ENDOU: variants seen among roughly 807,000 people sequenced by gnomAD.
The protein encoded by ENDOU is endonuclease, poly(U) specific.
ENDOU carries 49 observed loss-of-function variants against 54.2 expected under a neutral mutation model. The ratio of observed to expected loss-of-function variants is 0.90; its 90% CI spans 0.72 to 1.15. ENDOU has a LOEUF of 1.15. Ranked by LOEUF, ENDOU falls within the 50% of genes most tolerant of loss-of-function variation. The pLI is 0.00. For missense variants in ENDOU, 458 were observed against 511.4 expected (o/e 0.90, Z 1.01); for synonymous variants, 172 against 190.5 (o/e 0.90, Z 0.80).
In ENDOU at chr12:47,717,054, G is replaced by A. The variant is rs529615841; in HGVS notation, c.387C>T (p.Val129=). The change falls in exon 5 of 10, where the codon GTC becomes GTT. Residue 129 remains valine, a synonymous_variant. Transcript: ENST00000422538. ...TTGTTATGGCATCACTGCTGTGGGA[G>A]ACCTCTGGGAGGAATTGGAAGAGGG... ...DFESLCSDHE[V]SHSSDAITKE... 3 of 1,613,974 alleles carry A rather than the reference G, an allele frequency of 1.9e-6. No homozygotes were observed. The highest frequency in any genetic ancestry group is 2.2e-5 in the East Asian group (1 of 44,878).
At position 47,715,822 on chromosome 12, in the gene ENDOU, C is replaced by A. The variant is rs115925067; in HGVS notation, c.751+478G>T. Among the ~76,000 whole-genome samples, 1,238 of 152,310 alleles carry A rather than the reference C, an allele frequency of 8.1e-3. 16 individuals are homozygous for A. The highest frequency in any genetic ancestry group is 0.028 in the African/African-American group (1,181 of 41,558). ...TTCCCGCTCTGAACCTTTGTTGATT[C>A]TCTGATGTTGTTTCCCCAGCCAAAA... On this transcript the variant is annotated intron_variant, in intron 6 of 9. Coordinates refer to ENST00000422538, the MANE Select transcript of ENDOU (RefSeq NM_001172439.2).
At chr12:47,711,596 C>A in intron 9 of ENDOU, 37 bp downstream of exon 9, 1 of 1,602,570 alleles carries the variant, frequency 6.2e-7, no homozygotes, top group Non-Finnish European at 8.5e-7. Context: ...GCCTGCAGCC[C>A]CAGTCTGCCC....
chr12:47,720,838 T>G lies in ENDOU; in HGVS notation c.93A>C (p.Lys31Asn). The change falls in exon 2 of 10, where the codon AAA (lysine) becomes AAC (asparagine). Residue 31 changes from lysine (K) to asparagine (N), a missense_variant. Coordinates refer to ENST00000422538, the MANE Select transcript of ENDOU (RefSeq NM_001172439.2). ...IESCASRCNE[K>N]FNRDAACQCD... is the part of the protein sequence containing the mutation. The stretch of plus-strand genomic sequence containing the variant: ...ACTGGCAGGCAGCGTCCCGGTTAAA[T>G]TTCTCATTACATCGAGATGCACAGG... 4.6e-6 allele frequency: 7 copies of G among 1,536,112 alleles called. No homozygotes were observed. Among genetic ancestry groups the G allele is most frequent in the Non-Finnish European group, 6.1e-6 (7 of 1,146,906 alleles).
At chr12:47,725,207 A>T in intron 1 of ENDOU, 152 bp downstream of exon 1, 2 of 780,538 alleles carry the variant, frequency 2.6e-6, no homozygotes, top group Non-Finnish European at 4.3e-6. Context: ...ACCCTCAGAC[A>T]AGGACAACCC....
At chr12:47,717,191 C>A in intron 4 of ENDOU, 133 bp from the exon 5 acceptor site, 1 of 718,310 alleles carries the variant, frequency 1.4e-6, no homozygotes, top group Non-Finnish European at 2.4e-6. Context: ...CAGTTGGACA[C>A]CCTAGTGGTG....
At chr12:47,712,146 A>T (rs1024726740) in intron 8 of ENDOU, among the ~76,000 whole-genome samples, 5 of 152,212 alleles carry the variant, frequency 3.3e-5, no homozygotes, top group African/African-American at 1.2e-4. Context: ...TCTGTCTTAT[A>T]AAGTGTATGA....
Position 47,710,818 on chromosome 12 carries a change from A to G in ENDOU, c.1217T>C (p.Ile406Thr), listed in dbSNP as rs1407292565. ...GAAGTTCTATTAGGTGGAAGACACTATGTAGGCTGTGGCGATGTACTTCTT... is the reference window on the plus strand; with the variant it reads ...GAAGTTCTATTAGGTGGAAGACACTGTGTAGGCTGTGGCGATGTACTTCTT... ...NGKKYIATAYIVSST is the reference protein window; with the variant it reads ...NGKKYIATAYTVSST Residue 406 changes from isoleucine to threonine, a missense_variant, in exon 10 of 10, where the codon ATA (isoleucine) becomes ACA (threonine). Coordinates refer to ENST00000422538, the MANE Select transcript of ENDOU (RefSeq NM_001172439.2). 1.9e-6 allele frequency: 3 copies of G among 1,613,560 alleles called. No individual in the cohort carries two copies. The highest frequency in any genetic ancestry group is 1.3e-5 in the African/African-American group (1 of 75,010).
At chr12:47,723,638 C>G (rs955700759) in intron 1 of ENDOU, among the ~76,000 whole-genome samples, 2 of 152,182 alleles carry the variant, frequency 1.3e-5, no homozygotes, top group Non-Finnish European at 2.9e-5. Context: ...AACAGCCACT[C>G]CCTATCCATA....
At position 47,716,931 on chromosome 12, in the gene ENDOU, G is replaced by A. The variant is rs753557654; in HGVS notation, c.510C>T (p.Ser170=). The change falls in exon 5 of 10, where the codon TCC becomes TCT. Residue 170 remains serine (S), a synonymous_variant. Transcript: ENST00000422538. ...CCACTTGGTTTCTGGTCTCTGACGG[G>A]GAGATGCAGTTTTGGCTATTGAGAA... ...DIVLNSQNCI[S]PSETRNQVDR... 6.2e-7 allele frequency: 1 copy of A among 1,614,196 alleles called. No individual in the cohort carries two copies. The highest frequency in any genetic ancestry group is 1.1e-5 in the South Asian group (1 of 91,084).
At chr12:47,718,040 T>A (rs561860285) in intron 3 of ENDOU, 89 bp downstream of exon 3, 1 of 1,150,764 alleles carries the variant, frequency 8.7e-7, no homozygotes, top group East Asian at 2.6e-5. Flanking sequence ...GGCCTGGGCC[T>A]GGTGCCACTG....
rs780462833 is a variant in ENDOU at position 47,712,579 on chromosome 12, G to A, written c.909C>T (p.Ile303=). The part of the protein sequence containing the change: ...KGKVTGFHNW[I]RFYLEEKEGL... The stretch of plus-strand genomic sequence containing the variant: ...CCTCCTTCTCCTCCAGGTAGAAGCG[G>A]ATCCAGTTATGGAAGCCAGTAACCT... The change falls in exon 8 of 10, where the codon ATC becomes ATT. Residue 303 remains isoleucine, a synonymous_variant. Transcript: ENST00000422538. 2.5e-6 allele frequency: 4 copies of A among 1,614,174 alleles called. No homozygotes were observed. The highest frequency in any genetic ancestry group is 3.3e-4 in the Middle Eastern group (2 of 6,060).
chr12:47,725,383 C>G lies in ENDOU; in HGVS notation c.31G>C (p.Val11Leu). 1 of 1,614,220 alleles carries G rather than the reference C, an allele frequency of 6.2e-7. No homozygotes were observed. The highest frequency in any genetic ancestry group is 8.5e-7 in the Non-Finnish European group (1 of 1,180,032). MRACISLVLAVLCGLAWAGKI... is the reference protein window; with the variant it reads MRACISLVLALLCGLAWAGKI... Reference sequence around the variant, plus strand: ...CCAGCCCAGGCCAGGCCACACAGCACGGCCAATACCAGGGAGATGCAGGCC... The same window carrying G: ...CCAGCCCAGGCCAGGCCACACAGCAGGGCCAATACCAGGGAGATGCAGGCC... The change falls in exon 1 of 10, where the codon GTG becomes CTG. Residue 11 changes from valine to leucine, a missense_variant. Val to Leu is a conservative substitution (Grantham distance 32). Transcript: ENST00000422538.
chr12:47,713,281 A>G lies in ENDOU; in HGVS notation c.859T>C (p.Phe287Leu). ...CCAAGAAAAGTGCTCCCACCTGAGA[A>G]GACATGTTCAAAGCCACTCGAGTCC... ...EGDSSGFEHV[F>L]SGEVKKGKVT... Residue 287 changes from phenylalanine (F) to leucine (L), a missense_variant, in exon 7 of 10, where the codon TTC becomes CTC. Coordinates refer to ENST00000422538, the MANE Select transcript of ENDOU (RefSeq NM_001172439.2). 6.2e-7 allele frequency: 1 copy of G among 1,604,322 alleles called. No individual in the cohort carries two copies. Among genetic ancestry groups the G allele is most frequent in the Middle Eastern group, 1.7e-4 (1 of 6,046 alleles).
In ENDOU at chr12:47,717,700, C is replaced by A. The variant is rs1303214135; in HGVS notation, c.245-45G>T. Reference sequence around the variant, plus strand: ...GTGTCCCGGGCTGACCTCTAGAGGTCGCTCTGAACGCCCCACAGGCTGTCG... The same window carrying A: ...GTGTCCCGGGCTGACCTCTAGAGGTAGCTCTGAACGCCCCACAGGCTGTCG... On this transcript the variant is annotated intron_variant, in intron 3 of 9. Coordinates refer to ENST00000422538, the MANE Select transcript of ENDOU (RefSeq NM_001172439.2). 3 of 1,597,936 alleles carry A rather than the reference C, an allele frequency of 1.9e-6. No homozygotes were observed. In the Admixed American group the frequency reaches 5.1e-5, roughly 27 times the overall value.
At chr12:47,725,335 C>G (rs770349972) in intron 1 of ENDOU, 24 bp downstream of exon 1, 27 of 1,613,816 alleles carry the variant, frequency 1.7e-5, no homozygotes, top group Non-Finnish European at 2.0e-5. Context: ...CCAGCAATCC[C>G]ATGCCCGCCA....
At chr12:47,716,582 G>A in intron 5 of ENDOU, 83 bp from the exon 6 acceptor site, 2 of 1,325,414 alleles carry the variant, frequency 1.5e-6, no homozygotes, top group Non-Finnish European at 2.1e-6. Flanking sequence ...CAGGCCAGGG[G>A]CAGACAGGCG....
intron 4 of ENDOU, 120 bp downstream of exon 4, chr12:47,717,398 T>G: frequency 8.8e-7 from 1 of 1,132,894 alleles, no homozygotes; most frequent in African/African-American, 1.5e-5. Context: ...AGCCCCAGAG[T>G]TTGTGTTTCT....
rs929882377 is a variant in ENDOU at position 47,713,330 on chromosome 12, G to C, written c.810C>G (p.Leu270=). 2.5e-6 allele frequency: 4 copies of C among 1,613,914 alleles called. No homozygotes were observed. Among genetic ancestry groups the C allele is most frequent in the Non-Finnish European group, 3.4e-6 (4 of 1,179,980 alleles). The change falls in exon 7 of 10, where the codon CTC becomes CTG. Residue 270 remains leucine (L), a synonymous_variant. Coordinates refer to ENST00000422538, the MANE Select transcript of ENDOU (RefSeq NM_001172439.2). ...VDDLKNMWFG[L]YSRGNEEGDS... ...CCCCCTCTTCATTGCCTCTTGAATAGAGCCCAAACCACATGTTCTTCAAGT... is the reference window on the plus strand; with the variant it reads ...CCCCCTCTTCATTGCCTCTTGAATACAGCCCAAACCACATGTTCTTCAAGT...
At chr12:47,716,272 G>C (rs116302182) in intron 6 of ENDOU, 28 bp downstream of exon 6, 1 of 1,610,754 alleles carries the variant, frequency 6.2e-7, no homozygotes, top group South Asian at 1.1e-5. Context: ...AGACTCATGC[G>C]CTCTGGGGCC....
Sources: gnomAD v4.1 joint callset for allele counts (sites outside exome capture counted in the v4.1 genomes callset) on GRCh38, gnomAD v4.1.1 for gene constraint, MANE v1.5 for transcripts, NCBI Gene and HGNC (gene_info 2026-07-23, HGNC 2026-07-21) for gene names.